Variants in LRRC4C observed in about 807,000 individuals in gnomAD.
LRRC4C encodes the protein leucine-rich repeat-containing protein 4C.
LRRC4C carries 5 observed loss-of-function variants against 33.6 expected under a neutral mutation model. The ratio of observed to expected loss-of-function variants is 0.15; its 90% CI spans 0.08 to 0.31. LRRC4C has a LOEUF of 0.31. Among genes scored for constraint, LRRC4C ranks in the 10% least tolerant of loss-of-function variants. The pLI, the probability that LRRC4C is intolerant of heterozygous loss-of-function variation, is 1.00. For synonymous variants in LRRC4C, 329 were observed against 302.0 expected, an observed-to-expected ratio of 1.09 and a Z score of -0.93; for missense variants, 560 against 796.7, an observed-to-expected ratio of 0.70 and a Z score of 3.58.
rs183488370 is a variant in LRRC4C, at chr11:40,415,722, T to C, written c.-269-96001A>G. ...AGCTAGCCACTTATGCAGAAAATGATGGCCTTGAAGCAAAGTGGAGATAGG... is the reference window on the plus strand; with the variant it reads ...AGCTAGCCACTTATGCAGAAAATGACGGCCTTGAAGCAAAGTGGAGATAGG... On this transcript the variant is annotated intron_variant, in intron 3 of 6. Transcript: ENST00000528697. Among the ~76,000 whole-genome samples the C allele has an allele frequency of 1.4e-3, 206 of 152,332 alleles. 2 individuals are homozygous for C. Among genetic ancestry groups the C allele is most frequent in the Admixed American group, 8.5e-3 (130 of 15,294 alleles).
chr11:41,429,842 A>G (rs2138410533), intron 1 of LRRC4C, among the ~76,000 whole-genome samples: 1 of 152,268 alleles, frequency 6.6e-6, no homozygotes, highest in Non-Finnish European at 1.5e-5. Context: ...ATGAAAATAA[A>G]ATTAAAAGAA....
chr11:41,340,917 G>C (rs2137464682), intron 1 of LRRC4C, among the ~76,000 whole-genome samples: 1 of 152,314 alleles, frequency 6.6e-6, no homozygotes, highest in East Asian at 1.9e-4. Flanking sequence ...TGTGGTTGAG[G>C]ATTCCAGAAG....
At chr11:40,710,505 T>A (rs1270946570) in intron 2 of LRRC4C, among the ~76,000 whole-genome samples, 2 of 152,212 alleles carry the variant, frequency 1.3e-5, no homozygotes, top group African/African-American at 4.8e-5. Context: ...CCTGTTTGCC[T>A]GGGTATCACC....
At chr11:41,068,704 A>T (rs148528242) in intron 1 of LRRC4C, among the ~76,000 whole-genome samples, 9 of 152,302 alleles carry the variant, frequency 5.9e-5, no homozygotes, top group African/African-American at 1.9e-4. Flanking sequence ...TCCCAGGAAT[A>T]AGTCAAATCC....
chr11:40,710,044 C>A (rs1309779975), intron 2 of LRRC4C, among the ~76,000 whole-genome samples: 1 of 152,130 alleles, frequency 6.6e-6, no homozygotes, highest in Non-Finnish European at 1.5e-5. Context: ...TCCATCAGGT[C>A]ATTTAAGGTC....
chr11:40,442,582 AGT>A (rs1951446266), intron 3 of LRRC4C, among the ~76,000 whole-genome samples: 1 of 152,240 alleles, frequency 6.6e-6, no homozygotes, highest in African/African-American at 2.4e-5. Flanking sequence ...GGAAAGTTAC[AGT>A]GAGAACCCGA....
chr11:40,211,769 C>T (rs921656727), intron 5 of LRRC4C, among the ~76,000 whole-genome samples: 1 of 152,160 alleles, frequency 6.6e-6, no homozygotes, highest in African/African-American at 2.4e-5. Context: ...GATGTAAATT[C>T]AGACTAGAGA....
chr11:41,104,992 T>A (rs2135650576), intron 1 of LRRC4C, among the ~76,000 whole-genome samples: 1 of 151,972 alleles, frequency 6.6e-6, no homozygotes, highest in South Asian at 2.1e-4. Context: ...TTAAGAAATG[T>A]TAAAAAAAAA....
chr11:41,431,958 A>G (rs11036399), intron 1 of LRRC4C, among the ~76,000 whole-genome samples: 87,007 of 151,888 alleles, frequency 0.57, 25,434 homozygotes, highest in African/African-American at 0.6. Context: ...GGAGTATGTC[A>G]TCTAAAAGAA....
At chr11:40,297,375 T>C (rs1944564347) in intron 4 of LRRC4C, among the ~76,000 whole-genome samples, 1 of 152,212 alleles carries the variant, frequency 6.6e-6, no homozygotes, top group Non-Finnish European at 1.5e-5. Flanking sequence ...CGTAATGACA[T>C]GTGAATTAAT....
chr11:40,631,630 T>C (rs1377971336), intron 3 of LRRC4C, among the ~76,000 whole-genome samples: 1 of 152,092 alleles, frequency 6.6e-6, no homozygotes, highest in Non-Finnish European at 1.5e-5. Context: ...TCCTGACACA[T>C]GATAGGTTGC....
At chr11:41,019,016 T>C (rs1256589306) in intron 1 of LRRC4C, among the ~76,000 whole-genome samples, 2 of 152,120 alleles carry the variant, frequency 1.3e-5, no homozygotes, top group African/African-American at 4.8e-5. Flanking sequence ...TAGTGCCCCT[T>C]TGTACTCCAT....
intron 3 of LRRC4C, among the ~76,000 whole-genome samples, chr11:40,389,477 A>AAGC (rs1555042541): frequency 2.0e-5 from 3 of 151,180 alleles, no homozygotes; most frequent in Admixed American, 1.3e-4. Context: ...CTCAAAAAAA[A>AAGC]AAATAATCAA....
At chr11:40,280,532 G>A (rs1943404147) in intron 4 of LRRC4C, among the ~76,000 whole-genome samples, 1 of 152,006 alleles carries the variant, frequency 6.6e-6, no homozygotes, top group Non-Finnish European at 1.5e-5. Flanking sequence ...TCTTCCCTTG[G>A]CAGGAAAGTA....
chr11:40,983,734 A>G (rs1375712491), intron 1 of LRRC4C, among the ~76,000 whole-genome samples: 1 of 152,208 alleles, frequency 6.6e-6, no homozygotes, highest in African/African-American at 2.4e-5. Flanking sequence ...TAATAAGTGT[A>G]TGAAAAAAAG....
At chr11:40,436,342 C>T (rs978858543) in intron 3 of LRRC4C, among the ~76,000 whole-genome samples, 1 of 152,082 alleles carries the variant, frequency 6.6e-6, no homozygotes, top group South Asian at 2.1e-4. Context: ...TTAATGACAG[C>T]GTGATTATGG....
chr11:40,309,151 C>T (rs1193692605), intron 4 of LRRC4C, among the ~76,000 whole-genome samples: 2 of 152,196 alleles, frequency 1.3e-5, no homozygotes, highest in African/African-American at 4.8e-5. Flanking sequence ...GAGAAAGAAA[C>T]TTGGTACTAT....
intron 2 of LRRC4C, among the ~76,000 whole-genome samples, chr11:40,802,349 A>G (rs1361783924): frequency 2.6e-5 from 4 of 152,188 alleles, no homozygotes; most frequent in Admixed American, 6.6e-5. Flanking sequence ...AATTTTAAAA[A>G]AAAACAAAAC....
At chr11:41,087,983 C>T (rs1473844077) in intron 1 of LRRC4C, among the ~76,000 whole-genome samples, 2 of 152,136 alleles carry the variant, frequency 1.3e-5, no homozygotes, top group Non-Finnish European at 1.5e-5. Context: ...GCTAAGTTAA[C>T]GAAAGTATTC....
Sources: allele counts gnomAD v4.1 joint callset (sites outside exome capture counted in the v4.1 genomes callset), GRCh38; gene constraint gnomAD v4.1.1; transcripts MANE v1.5; gene names NCBI Gene and HGNC (gene_info 2026-07-23, HGNC 2026-07-21).